The following PDE4DIP variants were observed in gnomAD, a reference collection of about 807,000 sequenced individuals.
PDE4DIP encodes the protein phosphodiesterase 4D interacting protein, also known as myomegalin.
A neutral mutation model predicts 221.4 loss-of-function variants in PDE4DIP; 59 were observed. That is an observed-to-expected ratio of 0.27 (90% CI 0.22 to 0.33). PDE4DIP has a LOEUF of 0.33. PDE4DIP is among the 10% of genes least tolerant of loss of function. The probability of loss-of-function intolerance (pLI) is 1.00; values close to 1 mark genes in which losing one functional copy is unlikely to be tolerated. For synonymous variants in PDE4DIP, 404 were observed against 815.9 expected (o/e 0.50, Z 8.60); for missense variants, 1,036 against 2,154.2 (o/e 0.48, Z 10.28).
At chr1:148,978,462 G>C (rs782129360) in intron 19 of PDE4DIP, 47 bp downstream of exon 22, 7 of 1,240,532 alleles carry the variant, frequency 5.6e-6, no homozygotes, top group Middle Eastern at 2.9e-4. Context: ...ACATTTTTTT[G>C]TATTCTTTTT....
At chr1:148,842,439 G>A (rs6691218) in intron 1 of PDE4DIP, among the ~76,000 whole-genome samples, 4 of 66,076 alleles carry the variant, frequency 6.1e-5, no homozygotes, top group African/African-American at 1.2e-4. Flanking sequence ...AGGGAATTTG[G>A]AGAAATTTAA....
At chr1:149,009,933 C>T (rs1397356256) in intron 30 of PDE4DIP, 142 bp downstream of exon 33, 1 of 709,482 alleles carries the variant, frequency 1.4e-6, no homozygotes, top group Admixed American at 2.2e-5. Flanking sequence ...ACCAGTGGAT[C>T]AGGATCTTTG....
At chr1:148,942,574 C>CCA (rs2050780637) in intron 5 of PDE4DIP, among the ~76,000 whole-genome samples, 1 of 132,278 alleles carries the variant, frequency 7.6e-6, no homozygotes, top group Non-Finnish European at 1.6e-5. Context: ...GACATCTTGT[C>CCA]CACATCTTTT....
Position 149,003,116 on chromosome 1 carries a change from A to C in PDE4DIP, c.3766+74A>C. The C allele has an allele frequency of 1.0e-5, 8 of 796,358 alleles. No homozygotes were observed. In the South Asian group the frequency reaches 1.5e-4, roughly 15 times the overall value. 49.3% of individuals were successfully genotyped at this position (796,358 alleles called of 1,614,324 possible). A position where few individuals can be genotyped will look rare whatever the true frequency, so the allele number is the denominator to read the frequency against. On this transcript the variant is annotated intron_variant, in intron 25 of 43. Transcript: ENST00000369354. ...TAAGTTCTGTATGTTCTATACCGAC[A>C]TAACGTGGTTATTGAGCACACGAAG...
intron 1 of PDE4DIP, among the ~76,000 whole-genome samples, chr1:148,893,107 ATT>A (rs11287659): frequency 0.045 from 2,441 of 54,392 alleles, no homozygotes; most frequent in African/African-American, 0.085. Flanking sequence ...GTGTGTATGT[ATT>A]TTTTTTTTTT....
At chr1:148,834,197 CT>C (rs1177577709) in intron 1 of PDE4DIP, among the ~76,000 whole-genome samples, 2 of 118,312 alleles carry the variant, frequency 1.7e-5, no homozygotes, top group Non-Finnish European at 3.8e-5. Context: ...TAATGGCCTT[CT>C]TTGTCTCTTT....
chr1:149,021,802 T>A (rs1301344465), intron 37 of PDE4DIP: 1 of 146,968 alleles, frequency 6.8e-6, no homozygotes, highest in Non-Finnish European at 1.5e-5. Flanking sequence ...TAATAGGACC[T>A]AAATTTCAAT....
intron 9 of PDE4DIP, among the ~76,000 whole-genome samples, chr1:148,964,131 C>A (rs2057679342): frequency 7.9e-6 from 1 of 126,028 alleles, no homozygotes; most frequent in South Asian, 2.7e-4. Context: ...TTTTTTGAGA[C>A]AGAGTTTTGC....
rs782374040 is a variant in PDE4DIP, at chr1:148,962,187, C to T, written c.889-9C>T. 2 of 761,654 alleles carry T rather than the reference C, an allele frequency of 2.6e-6. No individual in the cohort carries two copies. Among genetic ancestry groups the T allele is most frequent in the South Asian group, 1.4e-5 (1 of 69,080 alleles). The allele number at this position is 761,654 out of a possible 1,614,324, so 47.2% of individuals were successfully genotyped here. A position where few individuals can be genotyped will look rare whatever the true frequency, so the allele number is the denominator to read the frequency against. On this transcript the variant is annotated splice_polypyrimidine_tract_variant and intron_variant, in intron 7 of 43. Coordinates refer to ENST00000369354, the Ensembl canonical transcript of PDE4DIP. ...CTAACATATTTGATATTCCCTCTCT[C>T]ATTTTCAGACTGAGGAGTTGTACCA...
chr1:148,925,703 TGCAAG>T, intron 1 of PDE4DIP, among the ~76,000 whole-genome samples: 1 of 151,762 alleles, frequency 6.6e-6, no homozygotes, highest in South Asian at 2.1e-4. Flanking sequence ...CACAGCTGTG[TGCAAG>T]GCATTGTTCT....
At chr1:148,969,729 A>G (rs1216387119) in intron 14 of PDE4DIP, among the ~76,000 whole-genome samples, 1 of 140,220 alleles carries the variant, frequency 7.1e-6, no homozygotes, top group African/African-American at 2.7e-5. Context: ...TTTTTTTGAG[A>G]TGGCATCTCC....
chr1:149,023,922 C>G (rs1267590747), intron 37 of PDE4DIP, among the ~76,000 whole-genome samples: 3 of 149,822 alleles, frequency 2.0e-5, no homozygotes, highest in Non-Finnish European at 4.4e-5. Flanking sequence ...TACACACACA[C>G]ACACATATAT....
At chr1:148,913,211 A>G (rs1220845378) in intron 1 of PDE4DIP, among the ~76,000 whole-genome samples, 2 of 29,518 alleles carry the variant, frequency 6.8e-5, no homozygotes, top group Admixed American at 6.8e-4. Context: ...CCCAGTCGGT[A>G]TTTCTGCCTA....
chr1:148,977,815 T>C, intron 17 of PDE4DIP, 122 bp from the exon 21 acceptor site: 1 of 1,429,520 alleles, frequency 7.0e-7, no homozygotes, highest in Non-Finnish European at 9.5e-7. Context: ...TTTGATGCTG[T>C]AGAGCCCTAT....
chr1:148,977,840 T>C, intron 17 of PDE4DIP, 97 bp from the exon 21 acceptor site: 1 of 1,536,978 alleles, frequency 6.5e-7, no homozygotes, highest in South Asian at 1.3e-5. Context: ...GTTCTCATTT[T>C]CTTTTCCATT....
chr1:149,023,944 GAGAGAA>G (rs1437557944), intron 37 of PDE4DIP, among the ~76,000 whole-genome samples: 2 of 146,480 alleles, frequency 1.4e-5, no homozygotes, highest in African/African-American at 5.1e-5. Context: ...TAGAGAGAGA[GAGAGAA>G]AGAGAGAGAG....
chr1:148,944,357 A>G (rs1413343749), intron 5 of PDE4DIP, among the ~76,000 whole-genome samples: 1 of 149,882 alleles, frequency 6.7e-6, no homozygotes, highest in Non-Finnish European at 1.5e-5. Flanking sequence ...CAGGAATAGA[A>G]TATAGGGGGA....
intron 23 of PDE4DIP, among the ~76,000 whole-genome samples, chr1:148,999,844 A>G (rs1553572322): frequency 6.6e-6 from 1 of 152,004 alleles, no homozygotes; most frequent in African/African-American, 2.4e-5. Flanking sequence ...AATCACTTAT[A>G]CTGTAGAAGG....
At chr1:149,010,569 C>G (rs781843454) in exon 31 of PDE4DIP, 8 of 1,613,992 alleles carry the variant, frequency 5.0e-6, no homozygotes, top group Middle Eastern at 1.6e-4. Context: ...CAGAATACCC[C>G]CAAGGAGGCC....
Sources: gnomAD v4.1 joint callset for allele counts (sites outside exome capture counted in the v4.1 genomes callset) on GRCh38, gnomAD v4.1.1 for gene constraint, MANE v1.5 for transcripts, NCBI Gene and HGNC (gene_info 2026-07-23, HGNC 2026-07-21) for gene names.